PELI2: variants seen among roughly 807,000 people sequenced by gnomAD.
PELI2 encodes pellino E3 ubiquitin protein ligase family member 2, also known as E3 ubiquitin-protein ligase pellino homolog 2.
In PELI2, 23 loss-of-function variants were observed where a neutral mutation model predicts 42.3. That is an observed-to-expected ratio of 0.54 (90% CI 0.39 to 0.77). PELI2 has a LOEUF of 0.77. Ranked by LOEUF, PELI2 falls within the 30% of genes least tolerant of loss-of-function variation. The pLI, the probability that PELI2 is intolerant of heterozygous loss-of-function variation, is 0.00. For missense variants in PELI2, 463 were observed against 553.2 expected, an observed-to-expected ratio of 0.84 and a Z score of 1.64; for synonymous variants, 245 against 212.2, an observed-to-expected ratio of 1.15 and a Z score of -1.34.
chr14:56,278,699 A>G (rs944783315), intron 2 of PELI2, among the ~76,000 whole-genome samples: 1 of 152,204 alleles, frequency 6.6e-6, no homozygotes, highest in African/African-American at 2.4e-5. Flanking sequence ...AGTCAAATAT[A>G]AATGTTTAGT....
chr14:56,270,091 TGC>T (rs1192546053), intron 2 of PELI2, among the ~76,000 whole-genome samples: 1 of 152,212 alleles, frequency 6.6e-6, no homozygotes, highest in African/African-American at 2.4e-5. Flanking sequence ...CACTCTTGCG[TGC>T]CATAGATTCT....
intron 1 of PELI2, among the ~76,000 whole-genome samples, chr14:56,152,131 A>G (rs183292293): frequency 2.0e-5 from 3 of 152,348 alleles, no homozygotes; most frequent in Admixed American, 2.0e-4. Context: ...AGTTGTACTT[A>G]TGGTCACATC....
intron 3 of PELI2, among the ~76,000 whole-genome samples, chr14:56,286,125 G>A (rs1228768551): frequency 6.6e-6 from 1 of 152,156 alleles, no homozygotes; most frequent in African/African-American, 2.4e-5. Context: ...CAGAGTTTGA[G>A]AAGCTCCAGA....
rs767570838 is a variant in PELI2, at chr14:56,290,297, C to A, written c.537C>A (p.Asp179Glu). ...AGGCAGCAAAGTGGAAAAACCCCGA[C>A]GGCCACATGGATGGGCTCACTACTA... ...GEKAAKWKNP[D>E]GHMDGLTTNG... The change falls in exon 5 of 6, where the codon GAC becomes GAA. Residue 179 changes from aspartate (D) to glutamate (E), a missense_variant. Transcript: ENST00000267460. 22 of 1,599,782 alleles carry A rather than the reference C, an allele frequency of 1.4e-5. No individual in the cohort carries two copies. In the African/African-American group the frequency reaches 2.4e-4, roughly 18 times the overall value.
chr14:56,158,149 A>G (rs937260994), intron 1 of PELI2, among the ~76,000 whole-genome samples: 1 of 150,840 alleles, frequency 6.6e-6, no homozygotes, highest in African/African-American at 2.4e-5. Context: ...TGCCTCAGCC[A>G]TCTTCCAAGT....
Position 56,297,133 on chromosome 14 carries a change from C to T in PELI2, c.1230C>T (p.Cys410=). Residue 410 remains cysteine (C), a synonymous_variant, in exon 6 of 6, where the codon TGC becomes TGT. Coordinates refer to ENST00000267460, the MANE Select transcript of PELI2 (RefSeq NM_021255.3). Reference sequence around the variant, plus strand: ...CACAGCTGGTTGGGGAGCAAAACTGCATCAAATTAATTTTCCAAGGTCCAA... The same window carrying T: ...CACAGCTGGTTGGGGAGCAAAACTGTATCAAATTAATTTTCCAAGGTCCAA... ...CATQLVGEQN[C]IKLIFQGPID is the part of the protein sequence containing the mutation. The T allele has an allele frequency of 6.2e-7, 1 of 1,602,492 alleles. No individual in the cohort carries two copies. Among genetic ancestry groups the T allele is most frequent in the Non-Finnish European group, 8.5e-7 (1 of 1,179,662 alleles).
intron 2 of PELI2, among the ~76,000 whole-genome samples, chr14:56,255,968 C>T (rs1431488776): frequency 6.6e-6 from 1 of 152,164 alleles, no homozygotes; most frequent in Non-Finnish European, 1.5e-5. Context: ...CTCAACTTTA[C>T]AGGGTGCTCT....
At chr14:56,283,602 C>T (rs956981385) in intron 3 of PELI2, among the ~76,000 whole-genome samples, 8 of 152,166 alleles carry the variant, frequency 5.3e-5, no homozygotes, top group African/African-American at 1.9e-4. Flanking sequence ...TTTGTACCAA[C>T]CTCTTAATTT....
At chr14:56,141,678 G>A (rs1595550850) in intron 1 of PELI2, among the ~76,000 whole-genome samples, 1 of 152,118 alleles carries the variant, frequency 6.6e-6, no homozygotes, top group Non-Finnish European at 1.5e-5. Context: ...CAGGGAAAAT[G>A]CCAGATGCTT....
At chr14:56,165,666 A>G (rs1271549756) in intron 1 of PELI2, among the ~76,000 whole-genome samples, 2 of 152,162 alleles carry the variant, frequency 1.3e-5, no homozygotes, top group South Asian at 2.1e-4. Context: ...AGATCTGTTC[A>G]GTGTTGAAAG....
intron 2 of PELI2, among the ~76,000 whole-genome samples, chr14:56,224,611 C>T (rs1366487642): frequency 2.6e-5 from 4 of 152,212 alleles, no homozygotes; most frequent in Admixed American, 2.6e-4. Context: ...CAGACAAGTT[C>T]TACCCACTGC....
At chr14:56,153,412 T>C (rs919716600) in intron 1 of PELI2, among the ~76,000 whole-genome samples, 8 of 152,186 alleles carry the variant, frequency 5.3e-5, no homozygotes, top group African/African-American at 1.9e-4. Flanking sequence ...AGAGAGAAAG[T>C]AGCAAGAAGA....
At chr14:56,252,378 C>A (rs1888377700) in intron 2 of PELI2, among the ~76,000 whole-genome samples, 1 of 152,232 alleles carries the variant, frequency 6.6e-6, no homozygotes, top group Non-Finnish European at 1.5e-5. Context: ...GTAACCCATT[C>A]TGTTACTTGC....
Position 56,219,819 on chromosome 14 carries a change from C to G in PELI2, c.207+41355C>G, listed in dbSNP as rs979544327. ...TATTTTTACATGTTTGTAACTTGCC[C>G]CATTCCACAGCGGACTTGAGGCAGC... On this transcript the variant is annotated intron_variant, in intron 2 of 5. Coordinates refer to ENST00000267460, the MANE Select transcript of PELI2 (RefSeq NM_021255.3). This position sits in a 1 kb window ranked among gnomAD's most constrained non-coding sequence, Gnocchi z 4.1. Among the ~76,000 whole-genome samples, 2 of 152,274 alleles carry G rather than the reference C, an allele frequency of 1.3e-5. No homozygotes were observed. Among genetic ancestry groups the G allele is most frequent in the Admixed American group, 1.3e-4 (2 of 15,282 alleles).
intron 2 of PELI2, among the ~76,000 whole-genome samples, chr14:56,251,935 A>G (rs1251513599): frequency 4.6e-5 from 7 of 152,106 alleles, no homozygotes; most frequent in Admixed American, 4.6e-4. Context: ...AAACGTATAC[A>G]CCGTAATTCT....
chr14:56,281,792 T>C (rs1381341823), intron 3 of PELI2, among the ~76,000 whole-genome samples: 1 of 151,968 alleles, frequency 6.6e-6, no homozygotes, highest in East Asian at 1.9e-4. Flanking sequence ...ACTAAGTAAC[T>C]CTTAAAAATA....
At chr14:56,225,878 T>C (rs1887335516) in intron 2 of PELI2, among the ~76,000 whole-genome samples, 1 of 152,100 alleles carries the variant, frequency 6.6e-6, no homozygotes. Flanking sequence ...TTCTGGTGTT[T>C]GGGGATATGT....
chr14:56,275,205 C>G (rs1032630181), intron 2 of PELI2, among the ~76,000 whole-genome samples: 4 of 152,074 alleles, frequency 2.6e-5, no homozygotes, highest in Non-Finnish European at 5.9e-5. Flanking sequence ...AGGTGGCGAC[C>G]TGCGTTCTCA....
chr14:56,238,905 G>A lies in PELI2; in HGVS notation c.208-40771G>A, dbSNP rs559774718. Among the ~76,000 whole-genome samples the A allele has an allele frequency of 1.6e-3, 243 of 152,302 alleles. 3 individuals carry two copies. Among genetic ancestry groups the A allele is most frequent in the Non-Finnish European group, 2.7e-3 (183 of 68,022 alleles). ...CAATGCTTTTCTAGAGATAAAAGAGGTTAGAAGAGTAACAGGTAGGAAGGT... is the reference window on the plus strand; with the variant it reads ...CAATGCTTTTCTAGAGATAAAAGAGATTAGAAGAGTAACAGGTAGGAAGGT... On this transcript the variant is annotated intron_variant, in intron 2 of 5. Transcript: ENST00000267460.
Sources: allele counts gnomAD v4.1 joint callset (sites outside exome capture counted in the v4.1 genomes callset), GRCh38; gene constraint gnomAD v4.1.1; non-coding constraint Gnocchi (gnomAD v3.1); transcripts MANE v1.5; gene names NCBI Gene and HGNC (gene_info 2026-07-23, HGNC 2026-07-21).